The following RPS6KC1 variants were observed in gnomAD, a reference collection of about 807,000 sequenced individuals.
RPS6KC1 encodes inactive ribosomal protein S6 kinase delta-1.
Under a neutral mutation model 103.8 loss-of-function variants are expected in RPS6KC1, and 54 were observed. The observed-to-expected ratio is 0.52, with a 90% CI of 0.42 to 0.65. RPS6KC1 has a LOEUF of 0.65. RPS6KC1 is among the 30% of genes least tolerant of loss of function. RPS6KC1 has a pLI of 0.00. For missense variants in RPS6KC1, 1,151 were observed against 1,253.8 expected (o/e 0.92, Z 1.24); for synonymous variants, 439 against 438.7 (o/e 1.00, Z -0.01).
the RPS6KC1 span, among the ~76,000 whole-genome samples, chr1:213,579,864 G>A: frequency 6.6e-6 from 1 of 152,044 alleles, no homozygotes; most frequent in Non-Finnish European, 1.5e-5. Context: ...AATTACTGCT[G>A]AGAATAAAAG....
At chr1:213,671,333 G>C in the RPS6KC1 span, among the ~76,000 whole-genome samples, 1 of 152,050 alleles carries the variant, frequency 6.6e-6, no homozygotes, top group Admixed American at 6.5e-5. Context: ...CAAACTCTTA[G>C]AAGTAGAGAG....
chr1:213,252,578 G>A (rs555547813), intron 12 of RPS6KC1, among the ~76,000 whole-genome samples: 33 of 152,022 alleles, frequency 2.2e-4, no homozygotes, highest in Non-Finnish European at 4.4e-4. Context: ...TTGTTCTTAT[G>A]TTGTCTTATT....
At chr1:213,312,777 C>T in the RPS6KC1 span, among the ~76,000 whole-genome samples, 1 of 152,182 alleles carries the variant, frequency 6.6e-6, no homozygotes, top group East Asian at 1.9e-4. Context: ...GTAGCAATTA[C>T]CTTTCTCGAG....
chr1:213,715,578 A>G, the RPS6KC1 span, among the ~76,000 whole-genome samples: 1 of 152,232 alleles, frequency 6.6e-6, no homozygotes, highest in South Asian at 2.1e-4. Context: ...GTTGACATTC[A>G]TGGTTCATAT....
intron 8 of RPS6KC1, among the ~76,000 whole-genome samples, chr1:213,228,289 T>G (rs1346606955): frequency 2.0e-5 from 3 of 152,228 alleles, no homozygotes; most frequent in African/African-American, 7.2e-5. Context: ...GCTGTACTTT[T>G]ATAAGATTAT....
chr1:213,148,359 C>A (rs1368712516), intron 6 of RPS6KC1, among the ~76,000 whole-genome samples: 1 of 152,024 alleles, frequency 6.6e-6, no homozygotes, highest in African/African-American at 2.4e-5. Context: ...CCTTATATAT[C>A]CAGTTTTTGA....
the RPS6KC1 span, among the ~76,000 whole-genome samples, chr1:213,332,640 C>T: frequency 2.0e-5 from 3 of 152,132 alleles, no homozygotes; most frequent in Non-Finnish European, 4.4e-5. Flanking sequence ...TAGTCAGCTC[C>T]TCTGTGGTGG....
chr1:213,387,323 A>G, the RPS6KC1 span, among the ~76,000 whole-genome samples: 2 of 152,214 alleles, frequency 1.3e-5, no homozygotes, highest in African/African-American at 4.8e-5. Flanking sequence ...CCATAGGTTT[A>G]AGGTTTTCAT....
the RPS6KC1 span, among the ~76,000 whole-genome samples, chr1:213,460,140 T>G: frequency 6.6e-6 from 1 of 152,312 alleles, no homozygotes; most frequent in East Asian, 1.9e-4. Context: ...AATATCCTTG[T>G]TAATTTTTTG....
chr1:213,152,054 G>A (rs2089127808), intron 6 of RPS6KC1, among the ~76,000 whole-genome samples: 1 of 143,674 alleles, frequency 7.0e-6, no homozygotes, highest in Non-Finnish European at 1.5e-5. Flanking sequence ...CGGGCGGGGG[G>A]CTAACCCCCC....
intron 5 of RPS6KC1, among the ~76,000 whole-genome samples, chr1:213,126,933 T>C (rs2085056758): frequency 6.6e-6 from 1 of 152,202 alleles, no homozygotes; most frequent in Admixed American, 6.5e-5. Context: ...TAGAATTGTA[T>C]AGTCTAATCC....
the RPS6KC1 span, among the ~76,000 whole-genome samples, chr1:213,429,336 T>C: frequency 6.6e-6 from 1 of 152,076 alleles, no homozygotes; most frequent in African/African-American, 2.4e-5. Flanking sequence ...GTGCTTTTTG[T>C]AGAGATGGAG....
At chr1:213,770,592 A>G in the RPS6KC1 span, among the ~76,000 whole-genome samples, 4 of 152,296 alleles carry the variant, frequency 2.6e-5, 1 homozygote, top group South Asian at 8.3e-4. Context: ...GTAACAACCC[A>G]ACAAGGCAGT....
chr1:213,258,890 G>T (rs972227794), intron 12 of RPS6KC1, among the ~76,000 whole-genome samples: 7 of 152,156 alleles, frequency 4.6e-5, no homozygotes, highest in Admixed American at 3.3e-4. Context: ...TTTGAATCTG[G>T]GAGGGGTAGC....
intron 1 of RPS6KC1, among the ~76,000 whole-genome samples, chr1:213,053,356 A>G (rs1330126616): frequency 1.3e-5 from 2 of 152,236 alleles, no homozygotes; most frequent in African/African-American, 4.8e-5. Context: ...CTTATATCAA[A>G]TAATAGATAA....
At chr1:213,545,431 AAAAG>A in the RPS6KC1 span, among the ~76,000 whole-genome samples, 25 of 132,058 alleles carry the variant, frequency 1.9e-4, no homozygotes, top group East Asian at 4.6e-4. Flanking sequence ...AAAATAAAAT[AAAAG>A]AGAGAGAGAG....
chr1:213,765,766 C>T, the RPS6KC1 span, among the ~76,000 whole-genome samples: 91 of 152,282 alleles, frequency 6.0e-4, no homozygotes, highest in South Asian at 0.011. Flanking sequence ...GAATAAGTAA[C>T]CCAAGTCAGC....
At chr1:213,727,204 T>C in the RPS6KC1 span, among the ~76,000 whole-genome samples, 1 of 152,172 alleles carries the variant, frequency 6.6e-6, no homozygotes, top group Non-Finnish European at 1.5e-5. Flanking sequence ...CTGAGATTAA[T>C]AGATCATCTA....
At chr1:213,109,092 A>G (rs902316553) in intron 4 of RPS6KC1, among the ~76,000 whole-genome samples, 4 of 152,130 alleles carry the variant, frequency 2.6e-5, no homozygotes, top group Non-Finnish European at 4.4e-5. Flanking sequence ...TAACAATATT[A>G]TCTTGCAATC....
Sources: gnomAD v4.1 joint callset for allele counts (sites outside exome capture counted in the v4.1 genomes callset) on GRCh38, gnomAD v4.1.1 for gene constraint, MANE v1.5 for transcripts, NCBI Gene and HGNC (gene_info 2026-07-23, HGNC 2026-07-21) for gene names.